NOL6: variants seen among roughly 807,000 people sequenced by gnomAD.
NOL6 encodes the protein nucleolar RNA-associated protein.
NOL6 carries 33 observed loss-of-function variants against 131.7 expected under a neutral mutation model. That is an observed-to-expected ratio of 0.25 (90% CI 0.19 to 0.33). NOL6 has a LOEUF of 0.33. Among genes scored for constraint, NOL6 ranks in the 10% least tolerant of loss-of-function variants. The pLI, the probability that NOL6 is intolerant of heterozygous loss-of-function variation, is 1.00. For synonymous variants in NOL6, 580 were observed against 605.7 expected, an observed-to-expected ratio of 0.96 and a Z score of 0.62; for missense variants, 1,297 against 1,494.5, an observed-to-expected ratio of 0.87 and a Z score of 2.18.
Position 33,467,344 on chromosome 9 carries a change from T to C in NOL6, c.1725+50A>G. 6.2e-7 allele frequency: 1 copy of C among 1,610,162 alleles called. No homozygotes were observed. Among genetic ancestry groups the C allele is most frequent in the Non-Finnish European group, 8.5e-7 (1 of 1,176,786 alleles). On this transcript the variant is annotated intron_variant, in intron 13 of 25. Transcript: ENST00000297990. This position sits in a 1 kb window ranked among gnomAD's most constrained non-coding sequence, Gnocchi z 4.4. ...CCAACAAGCTTCAGTCCAGGTGCCA[T>C]GAGGACGAGCCACCCCATTCCTTCC...
intron 4 of NOL6, 47 bp downstream of exon 4, chr9:33,469,965 T>C (rs1387378453): frequency 6.8e-7 from 1 of 1,481,104 alleles, no homozygotes; most frequent in Non-Finnish European, 9.1e-7. Flanking sequence ...CCAGGATTTG[T>C]AGGTAGTCAG....
In NOL6 at chr9:33,461,965, TA is replaced by T; in HGVS notation, c.*698del. Reference sequence around the variant, plus strand: ...GGCAAACAGCCAGGGCAGATGCAGCTAACGGGTAGCCCCCAGTGCTTTTTGC... The same window carrying T: ...GGCAAACAGCCAGGGCAGATGCAGCTACGGGTAGCCCCCAGTGCTTTTTGC... On this transcript the variant is annotated 3_prime_UTR_variant, in exon 26 of 26. Coordinates refer to ENST00000297990, the MANE Select transcript of NOL6 (RefSeq NM_022917.5). 1.7e-6 allele frequency: 1 copy of T among 575,188 alleles called. No homozygotes were observed. The highest frequency in any genetic ancestry group is 3.2e-6 in the Non-Finnish European group (1 of 317,022). The allele number at this position is 575,188 out of a possible 1,614,324, so 35.6% of individuals were successfully genotyped here.
rs996046940 is a variant in NOL6 at position 33,461,456 on chromosome 9, G to A, written c.*1208C>T. The A allele has an allele frequency of 6.6e-6, 1 of 152,222 alleles. No individual in the cohort carries two copies. Among genetic ancestry groups the A allele is most frequent in the Non-Finnish European group, 1.5e-5 (1 of 68,040 alleles). 9.4% of individuals were successfully genotyped at this position (152,222 alleles called of 1,614,324 possible). A position where few individuals can be genotyped will look rare whatever the true frequency, so the allele number is the denominator to read the frequency against. ...AGGCCAGGAATACGGGGGAAATTAA[G>A]CAATTTAACTTTTTATTTAAAAGAG... On this transcript the variant is annotated 3_prime_UTR_variant, in exon 26 of 26. Transcript: ENST00000297990.
chr9:33,467,357 C>A lies in NOL6; in HGVS notation c.1725+37G>T. On this transcript the variant is annotated intron_variant, in intron 13 of 25. Coordinates refer to ENST00000297990, the MANE Select transcript of NOL6 (RefSeq NM_022917.5). This position sits in a 1 kb window ranked among gnomAD's most constrained non-coding sequence, Gnocchi z 4.4. The stretch of plus-strand genomic sequence containing the variant: ...GTCCAGGTGCCATGAGGACGAGCCA[C>A]CCCATTCCTTCCAGTGTACATGCTG... The A allele has an allele frequency of 1.2e-6, 2 of 1,612,198 alleles. No homozygotes were observed. The highest frequency in any genetic ancestry group is 1.7e-6 in the Non-Finnish European group (2 of 1,178,488).
intron 25 of NOL6, 48 bp downstream of exon 25, chr9:33,462,985 G>C (rs1827138978): frequency 6.3e-7 from 1 of 1,576,022 alleles, no homozygotes; most frequent in East Asian, 2.3e-5. Context: ...TGCCCACACA[G>C]AACCACGTGC....
At chr9:33,463,155 G>GGTCCTA (rs753779588) in intron 24 of NOL6, 21 bp from the exon 25 acceptor site, 2 of 1,610,116 alleles carry the variant, frequency 1.2e-6, no homozygotes, top group African/African-American at 2.7e-5. Flanking sequence ...ACAGAACAGA[G>GGTCCTA]AAGATTATAG....
Position 33,467,913 on chromosome 9 carries a change from C to A in NOL6, c.1425-45G>T. 6.3e-7 allele frequency: 1 copy of A among 1,585,000 alleles called. No individual in the cohort carries two copies. The highest frequency in any genetic ancestry group is 8.6e-7 in the Non-Finnish European group (1 of 1,162,940). ...CAAAGAGGGGTAATCAGGTTGCTGG[C>A]CCCTAGTACCACCTCCTCCCTGAAT... On this transcript the variant is annotated intron_variant, in intron 11 of 25. Coordinates refer to ENST00000297990, the MANE Select transcript of NOL6 (RefSeq NM_022917.5). This position sits in a 1 kb window ranked among gnomAD's most constrained non-coding sequence, Gnocchi z 4.4.
At position 33,464,088 on chromosome 9, in the gene NOL6, G is replaced by A. The variant is rs754632961; in HGVS notation, c.2853C>T (p.Thr951=). The A allele has an allele frequency of 9.9e-6, 16 of 1,613,590 alleles. No individual in the cohort carries two copies. The African/African-American group carries it at 1.2e-4, about 12-fold the overall frequency. Residue 951 remains threonine, a synonymous_variant, in exon 22 of 26, where the codon ACC becomes ACT. Transcript: ENST00000297990. The part of the protein sequence containing the change: ...RAQLPVMVIV[T]PQDRKNSVWT... The stretch of plus-strand genomic sequence containing the variant: ...ACACAGAGTTTTTGCGGTCTTGGGG[G>A]GTAACAATGACCATGACGGGGAGCT...
At position 33,469,190 on chromosome 9, in the gene NOL6, C is replaced by A; in HGVS notation, c.862+17G>T. 1.2e-6 allele frequency: 2 copies of A among 1,614,190 alleles called. No homozygotes were observed. The highest frequency in any genetic ancestry group is 1.7e-6 in the Non-Finnish European group (2 of 1,180,008). ...CCTCTTCCCTCCAGCTCCACCTCAA[C>A]ACCAGGGCCTGCTCACCATCCCCTG... On this transcript the variant is annotated intron_variant, in intron 6 of 25. Transcript: ENST00000297990.
Position 33,466,149 on chromosome 9 carries a change from C to G in NOL6, c.2286G>C (p.Gln762His), listed in dbSNP as rs747445388. ...EAVQRVRAAF[Q>H]LRLAELLTQQ... ...GTGTCAACAGCTCTGCCAGGCGCAG[C>G]TGGAAGGCAGCTCGGACCCGCTGCA... Residue 762 changes from glutamine (Q) to histidine (H), a missense_variant, in exon 18 of 26, where the codon CAG becomes CAC. Gln to His is a conservative substitution (Grantham distance 24, BLOSUM62 0). Coordinates refer to ENST00000297990, the MANE Select transcript of NOL6 (RefSeq NM_022917.5). 9.9e-6 allele frequency: 16 copies of G among 1,613,156 alleles called. No homozygotes were observed. The highest frequency in any genetic ancestry group is 6.7e-5 in the Admixed American group (4 of 59,968).
At chr9:33,472,822 A>G in intron 1 of NOL6, 1 of 257,754 alleles carries the variant, frequency 3.9e-6, no homozygotes, top group Non-Finnish European at 7.7e-6. Context: ...AAAATACAAA[A>G]ATTAGCCAGG....
rs1827136791 is a variant in NOL6, at chr9:33,462,901, G to A, written c.3292-88C>T. On this transcript the variant is annotated intron_variant, in intron 25 of 25. Coordinates refer to ENST00000297990, the MANE Select transcript of NOL6 (RefSeq NM_022917.5). The stretch of plus-strand genomic sequence containing the variant: ...CTGGGTACAGAGTGGGGGTGGTGGG[G>A]ATAGAAACACAAGCCCATACACTCC... 3 of 1,571,632 alleles carry A rather than the reference G, an allele frequency of 1.9e-6. No individual in the cohort carries two copies. The East Asian group carries it at 6.9e-5, about 36-fold the overall frequency.
At chr9:33,473,590 C>A (rs1413344528) in intron 1 of NOL6, among the ~76,000 whole-genome samples, 199 bp downstream of exon 1, 2 of 152,236 alleles carry the variant, frequency 1.3e-5, no homozygotes, top group Admixed American at 6.5e-5. Flanking sequence ...GCTCTACCGG[C>A]TTCACTGCTT....
intron 23 of NOL6, 50 bp from the exon 24 acceptor site, chr9:33,463,491 C>T: frequency 6.6e-7 from 1 of 1,524,220 alleles, no homozygotes; most frequent in Middle Eastern, 1.7e-4. Context: ...GACTGAGGAA[C>T]TGGACCACAA....
At position 33,463,380 on chromosome 9, in the gene NOL6, A is replaced by G. The variant is rs1391654433; in HGVS notation, c.3056T>C (p.Ile1019Thr). The G allele has an allele frequency of 6.2e-7, 1 of 1,613,932 alleles. No homozygotes were observed. Among genetic ancestry groups the G allele is most frequent in the Admixed American group, 1.7e-5 (1 of 59,992 alleles). ...GTCCACAGCCTGGCGGTGCCGCGGG[A>G]TATGGCGAGGAGACAGGCGAATCAG... is the stretch of plus-strand genomic sequence containing the variant. ...DVLIRLSPRH[I>T]PRHRQAVDSP... Residue 1019 changes from isoleucine (I) to threonine (T), a missense_variant, in exon 24 of 26, where the codon ATC becomes ACC. Physicochemically the swap from Ile to Thr is moderately conservative, Grantham distance 89 (BLOSUM62 -1). Transcript: ENST00000297990.
At chr9:33,470,319 T>C in intron 3 of NOL6, 128 bp from the exon 4 acceptor site, 1 of 828,706 alleles carries the variant, frequency 1.2e-6, no homozygotes, top group Non-Finnish European at 1.7e-6. Flanking sequence ...CATAACTATG[T>C]CTTCCTTGCT....
At position 33,469,334 on chromosome 9, in the gene NOL6, A is replaced by G; in HGVS notation, c.735T>C (p.Asp245=). The part of the protein sequence containing the change: ...PSLLLRPRGK[D]ERLVTVRLHP... The stretch of plus-strand genomic sequence containing the variant: ...GCAGACGTACAGTGACCAGGCGCTC[A>G]TCCTTTCCTGCCAGAGACAGTGAGT... The change falls in exon 6 of 26, where the codon GAT becomes GAC. Residue 245 remains aspartate, a synonymous_variant. Coordinates refer to ENST00000297990, the MANE Select transcript of NOL6 (RefSeq NM_022917.5). 1 of 1,614,024 alleles carries G rather than the reference A, an allele frequency of 6.2e-7. No homozygotes were observed. Among genetic ancestry groups the G allele is most frequent in the East Asian group, 2.2e-5 (1 of 44,866 alleles).
At position 33,469,100 on chromosome 9, in the gene NOL6, G is replaced by C. The variant is rs746229889; in HGVS notation, c.884C>G (p.Pro295Arg). Residue 295 changes from proline (P) to arginine (R), a missense_variant, in exon 7 of 26, where the codon CCC becomes CGC. Transcript: ENST00000297990. Reference protein sequence around the residue: ...AGDGSPEPPTPRYNTWVLQDT... With the variant: ...AGDGSPEPPTRRYNTWVLQDT... ...TTGCAGGACCCATGTGTTATAGCGGGGGGTAGGAGGCTCTGGGCTACCTGT... is the reference window on the plus strand; with the variant it reads ...TTGCAGGACCCATGTGTTATAGCGGCGGGTAGGAGGCTCTGGGCTACCTGT... 5.0e-6 allele frequency: 8 copies of C among 1,614,212 alleles called. No homozygotes were observed. Among genetic ancestry groups the C allele is most frequent in the South Asian group, 2.2e-5 (2 of 91,086 alleles).
chr9:33,467,118 C>T lies in NOL6; in HGVS notation c.1870G>A (p.Ala624Thr). The part of the protein sequence containing the change: ...IPHQVVTHLL[A>T]LHADIPETCV... ...AATCCAGATGCCAACACTCACAGTG[C>T]CAAGAGGTGGGTGACCACCTGGTGG... Residue 624 changes from alanine (A) to threonine (T), a missense_variant, in exon 14 of 26, where the codon GCA becomes ACA. Physicochemically the swap from Ala to Thr is moderately conservative, Grantham distance 58. Coordinates refer to ENST00000297990, the MANE Select transcript of NOL6 (RefSeq NM_022917.5). The surrounding 1 kb of genome is among the most constrained non-coding windows in gnomAD (Gnocchi z 4.4). 6.2e-7 allele frequency: 1 copy of T among 1,614,212 alleles called. No individual in the cohort carries two copies. Among genetic ancestry groups the T allele is most frequent in the African/African-American group, 1.3e-5 (1 of 75,060 alleles).
Sources: gnomAD v4.1 joint callset for allele counts (sites outside exome capture counted in the v4.1 genomes callset) on GRCh38, gnomAD v4.1.1 for gene constraint, Gnocchi (gnomAD v3.1) non-coding constraint, MANE v1.5 for transcripts, NCBI Gene and HGNC (gene_info 2026-07-23, HGNC 2026-07-21) for gene names.